Variants in ANKRD36 observed in about 807,000 individuals in gnomAD.
ANKRD36 encodes ankyrin repeat domain 36.
ANKRD36 carries 179 observed loss-of-function variants against 278.1 expected under a neutral mutation model. That is an observed-to-expected ratio of 0.64 (90% CI 0.57 to 0.73). The LOEUF (loss-of-function observed/expected upper bound fraction) is 0.73. Among genes scored for constraint, ANKRD36 ranks in the 30% least tolerant of loss-of-function variants. The pLI is 0.00. For missense variants in ANKRD36, 1,159 were observed against 1,956.7 expected (o/e 0.59, Z 7.69); for synonymous variants, 320 against 641.1 (o/e 0.50, Z 7.57).
intron 8 of ANKRD36, among the ~76,000 whole-genome samples, chr2:97,144,260 C>G (rs1251056558): frequency 6.6e-6 from 1 of 152,224 alleles, no homozygotes; most frequent in Admixed American, 6.5e-5. Flanking sequence ...TTGATATAGA[C>G]ACTGTTTTAT....
intron 6 of ANKRD36, among the ~76,000 whole-genome samples, chr2:97,127,656 T>TTTTGCAG (rs1367398372): frequency 6.6e-6 from 1 of 151,982 alleles, no homozygotes; most frequent in Non-Finnish European, 1.5e-5. Flanking sequence ...GAAAGAAAGC[T>TTTTGCAG]TTTGCAGTAG....
At chr2:97,157,280 T>G (rs552993731) in intron 15 of ANKRD36, among the ~76,000 whole-genome samples, 4 of 148,770 alleles carry the variant, frequency 2.7e-5, no homozygotes, top group South Asian at 2.1e-4. Flanking sequence ...GTCGAATAAA[T>G]GCTAACCAGT....
At chr2:97,140,455 A>G (rs1224297608) in intron 6 of ANKRD36, among the ~76,000 whole-genome samples, 1 of 151,914 alleles carries the variant, frequency 6.6e-6, no homozygotes, top group African/African-American at 2.4e-5. Flanking sequence ...CTAATTTACT[A>G]CTCAGTGCTG....
In ANKRD36 at chr2:97,161,965, T is replaced by C. The variant is rs541850045; in HGVS notation, c.1390-134T>C. The stretch of plus-strand genomic sequence containing the variant: ...TCACTTGATAAATAAATAAAATTAG[T>C]ATTTTATTCATATTATCAGATTTTC... On this transcript the variant is annotated intron_variant, in intron 17 of 75. Transcript: ENST00000420699. The C allele has an allele frequency of 1.5e-4, 85 of 582,208 alleles. No homozygotes were observed. The East Asian group carries it at 2.9e-3, about 20-fold the overall frequency. 36.1% of individuals were successfully genotyped at this position (582,208 alleles called of 1,614,324 possible). A position where few individuals can be genotyped will look rare whatever the true frequency, so the allele number is the denominator to read the frequency against.
Position 97,187,317 on chromosome 2 carries a change from A to G in ANKRD36, c.2071-12A>G. 1 of 1,603,006 alleles carries G rather than the reference A, an allele frequency of 6.2e-7. No homozygotes were observed. Among genetic ancestry groups the G allele is most frequent in the South Asian group, 1.1e-5 (1 of 89,382 alleles). ...TTTATTTATTTATTATTTTCTTTCA[A>G]ATTCCATTCAGGCTACAACTGACGA... On this transcript the variant is annotated splice_polypyrimidine_tract_variant and intron_variant, in intron 31 of 75. Transcript: ENST00000420699.
At chr2:97,146,990 A>G (rs1375143115) in intron 11 of ANKRD36, among the ~76,000 whole-genome samples, 1 of 151,926 alleles carries the variant, frequency 6.6e-6, no homozygotes, top group African/African-American at 2.4e-5. Context: ...TGGTAACCAT[A>G]TTACTTTTTT....
chr2:97,146,220 G>A (rs1476789162), intron 10 of ANKRD36, among the ~76,000 whole-genome samples: 1 of 151,052 alleles, frequency 6.6e-6, no homozygotes, highest in Admixed American at 6.6e-5. Context: ...ACCCACCTCA[G>A]CCTCACAAAG....
At chr2:97,127,586 C>T (rs1297383164) in intron 6 of ANKRD36, among the ~76,000 whole-genome samples, 6 of 151,654 alleles carry the variant, frequency 4.0e-5, no homozygotes, top group Non-Finnish European at 7.4e-5. Context: ...GTTGAAAATA[C>T]GTATTTGGTA....
rs747156655 is a variant in ANKRD36, at chr2:97,211,644, CTG to C, written c.3397-23_3397-22del. On this transcript the variant is annotated intron_variant, in intron 57 of 75. Coordinates refer to ENST00000420699, the MANE Select transcript of ANKRD36 (RefSeq NM_001354587.1). ...ATATGAAATATACTTTATTTATTGA[CTG>C]TTTTGTTTCAAATTCTATTCAGGCT... The C allele has an allele frequency of 3.5e-5, 55 of 1,592,310 alleles. No homozygotes were observed. The South Asian group carries it at 6.0e-4, about 17-fold the overall frequency.
intron 68 of ANKRD36, among the ~76,000 whole-genome samples, chr2:97,237,447 C>T (rs2073755902): frequency 6.6e-6 from 1 of 151,510 alleles, no homozygotes; most frequent in Admixed American, 6.6e-5. Flanking sequence ...TTTGACTTCC[C>T]TAAAAATCCT....
At chr2:97,139,568 T>C (rs1353861821) in intron 6 of ANKRD36, among the ~76,000 whole-genome samples, 1 of 152,060 alleles carries the variant, frequency 6.6e-6, no homozygotes, top group Admixed American at 6.6e-5. Context: ...TTAATTATGC[T>C]CTCTTCGTGT....
chr2:97,225,285 T>C (rs1225024402), intron 67 of ANKRD36, among the ~76,000 whole-genome samples: 2 of 152,042 alleles, frequency 1.3e-5, no homozygotes, highest in Non-Finnish European at 2.9e-5. Context: ...TTGCAGTTTT[T>C]TTATTGCCAG....
chr2:97,187,402 G>T lies in ANKRD36; in HGVS notation c.2143+1G>T. On this transcript the variant is annotated splice_donor_variant, in intron 32 of 75. Transcript: ENST00000420699. LOFTEE classifies it high-confidence loss of function. ...AAGGATGGAGAAAAATCTGGGACAG[G>T]TAATTTTGCAAAACACATTCAATGT... is the stretch of plus-strand genomic sequence containing the variant. 1 of 1,434,672 alleles carries T rather than the reference G, an allele frequency of 7.0e-7. No homozygotes were observed. The highest frequency in any genetic ancestry group is 2.0e-5 in the Admixed American group (1 of 50,192). 88.9% of individuals were successfully genotyped at this position (1,434,672 alleles called of 1,614,324 possible). A position where few individuals can be genotyped will look rare whatever the true frequency, so the allele number is the denominator to read the frequency against.
intron 58 of ANKRD36, 42 bp downstream of exon 58, chr2:97,211,783 A>G (rs1452454407): frequency 6.5e-7 from 1 of 1,535,068 alleles, no homozygotes; most frequent in Non-Finnish European, 8.8e-7. Flanking sequence ...CGGTCAGGGT[A>G]GAAGAGAACT....
intron 15 of ANKRD36, 96 bp downstream of exon 15, chr2:97,154,837 A>G: frequency 1.9e-6 from 2 of 1,076,810 alleles, no homozygotes; most frequent in South Asian, 1.5e-5. Context: ...TTGTCTACCT[A>G]TCATTGTTTT....
chr2:97,201,087 C>T (rs1465479038), intron 46 of ANKRD36, among the ~76,000 whole-genome samples: 1 of 151,874 alleles, frequency 6.6e-6, no homozygotes, highest in Non-Finnish European at 1.5e-5. Context: ...GGAATATTTG[C>T]ATAAACAATA....
At chr2:97,202,746 C>G (rs141048062) in intron 48 of ANKRD36, among the ~76,000 whole-genome samples, 457 of 151,816 alleles carry the variant, frequency 3.0e-3, no homozygotes, top group African/African-American at 0.011. Context: ...GACGTCACAT[C>G]GTACTGCTAA....
intron 29 of ANKRD36, 36 bp from the exon 30 acceptor site, chr2:97,185,402 T>C: frequency 6.2e-7 from 1 of 1,608,030 alleles, no homozygotes; most frequent in Non-Finnish European, 8.5e-7. Context: ...TGAAACATAC[T>C]TTCTTTATTG....
chr2:97,150,160 C>A (rs924110239), intron 12 of ANKRD36, among the ~76,000 whole-genome samples: 4 of 151,800 alleles, frequency 2.6e-5, no homozygotes, highest in Non-Finnish European at 5.9e-5. Flanking sequence ...ACTTTAAACT[C>A]TTTATTTAAT....
Sources: allele counts gnomAD v4.1 joint callset (sites outside exome capture counted in the v4.1 genomes callset), GRCh38; gene constraint gnomAD v4.1.1; transcripts MANE v1.5; gene names NCBI Gene and HGNC (gene_info 2026-07-23, HGNC 2026-07-21).